The following ADGRD1 variants were observed in gnomAD, a reference collection of about 807,000 sequenced individuals.
The protein encoded by ADGRD1 is G-protein coupled receptor 133.
Under a neutral mutation model 113.4 loss-of-function variants are expected in ADGRD1, and 77 were observed. The observed-to-expected ratio is 0.68, with a 90% CI of 0.57 to 0.82. ADGRD1 has a LOEUF of 0.82. Ranked by LOEUF, ADGRD1 falls within the 40% of genes least tolerant of loss-of-function variation. The pLI is 0.00. For synonymous variants in ADGRD1, 474 were observed against 475.0 expected (o/e 1.00, Z 0.03); for missense variants, 1,036 against 1,139.1 (o/e 0.91, Z 1.30).
chr12:131,047,632 C>A (rs752589298), intron 13 of ADGRD1, among the ~76,000 whole-genome samples: 3 of 152,218 alleles, frequency 2.0e-5, no homozygotes, highest in Non-Finnish European at 4.4e-5. Flanking sequence ...GGACTCTCCT[C>A]CATGGCTGTG....
intron 13 of ADGRD1, among the ~76,000 whole-genome samples, chr12:131,054,682 G>A (rs547703484): frequency 1.1e-4 from 17 of 152,276 alleles, no homozygotes; most frequent in Non-Finnish European, 4.4e-5. Flanking sequence ...GAACTCGAGG[G>A]GCCCTCCACT....
At chr12:130,986,751 G>A in intron 5 of ADGRD1, 1 of 273,932 alleles carries the variant, frequency 3.7e-6, no homozygotes, top group East Asian at 8.0e-5. Context: ...TCTTAACTGA[G>A]CTTATGGTCT....
intron 15 of ADGRD1, among the ~76,000 whole-genome samples, chr12:131,103,616 C>T (rs1329277811): frequency 6.6e-6 from 1 of 152,272 alleles, no homozygotes; most frequent in Non-Finnish European, 1.5e-5. Context: ...CCTGCGGCAT[C>T]TCCTCCCTCA....
intron 16 of ADGRD1, among the ~76,000 whole-genome samples, chr12:131,105,218 C>A (rs1345595706): frequency 6.6e-6 from 1 of 152,252 alleles, no homozygotes; most frequent in African/African-American, 2.4e-5. Flanking sequence ...GCTTTGAGGG[C>A]CCGACTGTGC....
chr12:131,099,621 A>G (rs1336001902), intron 15 of ADGRD1, among the ~76,000 whole-genome samples: 1 of 152,194 alleles, frequency 6.6e-6, no homozygotes, highest in Non-Finnish European at 1.5e-5. Flanking sequence ...GTGGAAGAAG[A>G]ATGTATAACG....
intron 9 of ADGRD1, chr12:131,002,672 T>C: frequency 1.7e-6 from 2 of 1,157,172 alleles, no homozygotes; most frequent in African/African-American, 1.7e-5. Context: ...AGAGGGCTCT[T>C]GGAGTAGAAG....
chr12:131,122,243 G>A (rs1174921853), intron 20 of ADGRD1, among the ~76,000 whole-genome samples: 3 of 152,152 alleles, frequency 2.0e-5, no homozygotes, highest in Non-Finnish European at 2.9e-5. Flanking sequence ...GGATCTTTGT[G>A]CAAGCAGAGG....
At chr12:131,002,768 A>T (rs921680947) in intron 9 of ADGRD1, 5 of 1,253,836 alleles carry the variant, frequency 4.0e-6, no homozygotes, top group Non-Finnish European at 2.1e-6. Context: ...AGAAGGGGAC[A>T]GAGCTGCTGG....
At chr12:131,091,394 C>T (rs1240611752) in intron 15 of ADGRD1, among the ~76,000 whole-genome samples, 1 of 152,188 alleles carries the variant, frequency 6.6e-6, no homozygotes, top group Non-Finnish European at 1.5e-5. Flanking sequence ...AATTCTAATA[C>T]ATCCACGCTA....
rs755358872 is a variant in ADGRD1 at position 131,084,542 on chromosome 12, C to T, written c.1550C>T (p.Ser517Phe). The T allele has an allele frequency of 3.1e-6, 5 of 1,614,010 alleles. No individual in the cohort carries two copies. The highest frequency in any genetic ancestry group is 1.6e-4 in the Middle Eastern group (1 of 6,084). The change falls in exon 15 of 25, where the codon TCC becomes TTC. Residue 517 changes from serine to phenylalanine, a missense_variant and splice_region_variant. Transcript: ENST00000261654. The surrounding 1 kb of genome is among the most constrained non-coding windows in gnomAD (Gnocchi z 4.5). ...GATCCTTTCTCCTGTGTCCTCAGCT[C>T]CGGAGAAGGGGTCTGGTCGAACCAC... Reference protein sequence around the residue: ...FVYCAFLDFSSGEGVWSNHGC... With the variant: ...FVYCAFLDFSFGEGVWSNHGC...
At chr12:131,089,663 T>A (rs1429278806) in intron 15 of ADGRD1, among the ~76,000 whole-genome samples, 5 of 152,106 alleles carry the variant, frequency 3.3e-5, no homozygotes, top group African/African-American at 1.2e-4. Flanking sequence ...AGGTGCTCCC[T>A]GCCTATGGGG....
rs1183252442 is a variant in ADGRD1, at chr12:131,075,058, C to T, written c.1474-1743C>T. On this transcript the variant is annotated intron_variant, in intron 13 of 24. Coordinates refer to ENST00000261654, the MANE Select transcript of ADGRD1 (RefSeq NM_198827.5). The surrounding 1 kb of genome is among the most constrained non-coding windows in gnomAD (Gnocchi z 5.3). ...TGGGTGAGGGGGTGATGGGAAGAGGCGTCGCCTCACTCCTGAGAAGCCTTG... is the reference window on the plus strand; with the variant it reads ...TGGGTGAGGGGGTGATGGGAAGAGGTGTCGCCTCACTCCTGAGAAGCCTTG... Among the ~76,000 whole-genome samples the T allele has an allele frequency of 2.6e-5, 4 of 152,140 alleles. No individual in the cohort carries two copies. Among genetic ancestry groups the T allele is most frequent in the Non-Finnish European group, 5.9e-5 (4 of 68,020 alleles).
Position 131,131,736 on chromosome 12 carries a change from C to T in ADGRD1, c.2187C>T (p.Gly729=). ...GGTTTCTTGTGCAGGTCAACATTGGCATCCTCATCGCTGTGACCAGAGTCA... is the reference window on the plus strand; with the variant it reads ...GGTTTCTTGTGCAGGTCAACATTGGTATCCTCATCGCTGTGACCAGAGTCA... The part of the protein sequence containing the change: ...PALFVIVVNI[G]ILIAVTRVIS... Residue 729 remains glycine, a synonymous_variant, in exon 21 of 25, where the codon GGC becomes GGT. Transcript: ENST00000261654. 1.2e-6 allele frequency: 2 copies of T among 1,608,858 alleles called. No individual in the cohort carries two copies. The highest frequency in any genetic ancestry group is 1.7e-6 in the Non-Finnish European group (2 of 1,177,064).
At chr12:130,983,465 A>G (rs2136606321) in intron 5 of ADGRD1, among the ~76,000 whole-genome samples, 2 of 152,188 alleles carry the variant, frequency 1.3e-5, no homozygotes, top group South Asian at 4.1e-4. Context: ...TCCGATTGTA[A>G]GCAGCTTATC....
rs577190649 is a variant in ADGRD1, at chr12:131,079,388, A to T, written c.1547+2514A>T. Among the ~76,000 whole-genome samples the T allele has an allele frequency of 2.6e-5, 4 of 152,336 alleles. No individual in the cohort carries two copies. The East Asian group carries it at 7.7e-4, about 29-fold the overall frequency. On this transcript the variant is annotated intron_variant, in intron 14 of 24. Transcript: ENST00000261654. ...ATGTATTATCTTTTTGTATACTGCT[A>T]AATCTAATTGGCTACAGTTGTTGAG...
At chr12:131,111,393 A>C (rs1467039615) in intron 18 of ADGRD1, among the ~76,000 whole-genome samples, 1 of 152,176 alleles carries the variant, frequency 6.6e-6, no homozygotes, top group Non-Finnish European at 1.5e-5. Context: ...TGCCTGGCCC[A>C]CTTTTTGGTG....
rs73166631 is a variant in ADGRD1 at position 131,048,892 on chromosome 12, T to G, written c.1474-27909T>G. 9.0e-3 allele frequency among the ~76,000 whole-genome samples: 1,373 copies of G among 152,022 alleles called. 12 individuals are homozygous for G. The highest frequency in any genetic ancestry group is 0.031 in the Middle Eastern group (9 of 294). Reference sequence around the variant, plus strand: ...GCCTCCAGCTGGTGGGGAAGAAGCCTGCTTAGCTTCCTGACACTCAGGGCA... The same window carrying G: ...GCCTCCAGCTGGTGGGGAAGAAGCCGGCTTAGCTTCCTGACACTCAGGGCA... On this transcript the variant is annotated intron_variant, in intron 13 of 24. Coordinates refer to ENST00000261654, the MANE Select transcript of ADGRD1 (RefSeq NM_198827.5).
rs1290521263 is a variant in ADGRD1 at position 131,060,260 on chromosome 12, C to G, written c.1474-16541C>G. On this transcript the variant is annotated intron_variant, in intron 13 of 24. Transcript: ENST00000261654. This position sits in a 1 kb window ranked among gnomAD's most constrained non-coding sequence, Gnocchi z 4.4. ...GCATCCGCCACAGCCCTGATACCCA[C>G]TCAGCCTTTGCTCATAGAGGCTGGG... Among the ~76,000 whole-genome samples the G allele has an allele frequency of 6.6e-6, 1 of 152,284 alleles. No individual in the cohort carries two copies. Among genetic ancestry groups the G allele is most frequent in the East Asian group, 1.9e-4 (1 of 5,202 alleles).
At chr12:131,002,390 C>A (rs1000748125) in intron 9 of ADGRD1, 17 of 402,330 alleles carry the variant, frequency 4.2e-5, no homozygotes, top group Admixed American at 1.9e-4. Context: ...GGCCTAAAAG[C>A]AAATATCTAA....
Sources: allele counts gnomAD v4.1 joint callset (sites outside exome capture counted in the v4.1 genomes callset), GRCh38; gene constraint gnomAD v4.1.1; non-coding constraint Gnocchi (gnomAD v3.1); transcripts MANE v1.5; gene names NCBI Gene and HGNC (gene_info 2026-07-23, HGNC 2026-07-21).